The following RAPGEF4 variants were observed in gnomAD, a reference collection of about 807,000 sequenced individuals.
RAPGEF4 encodes Rap guanine nucleotide exchange factor 4.
RAPGEF4 carries 66 observed loss-of-function variants against 147.9 expected under a neutral mutation model. That is an observed-to-expected ratio of 0.45 (90% CI 0.37 to 0.55). RAPGEF4 has a LOEUF of 0.55. Among genes scored for constraint, RAPGEF4 ranks in the 20% least tolerant of loss-of-function variants. The pLI is 0.00. For synonymous variants in RAPGEF4, 419 were observed against 442.7 expected (o/e 0.95, Z 0.67); for missense variants, 1,071 against 1,257.3 (o/e 0.85, Z 2.24).
In RAPGEF4 at chr2:173,051,850, G is replaced by A; in HGVS notation, c.*83G>A. On this transcript the variant is annotated 3_prime_UTR_variant, in exon 31 of 31. Transcript: ENST00000397081. The stretch of plus-strand genomic sequence containing the variant: ...CATTTATGCTACTACTGACTGTATT[G>A]CCACTAGAGAATTCTACAAAACAAG... 1 of 1,502,808 alleles carries A rather than the reference G, an allele frequency of 6.7e-7. No homozygotes were observed. The highest frequency in any genetic ancestry group is 1.4e-5 in the African/African-American group (1 of 72,112). The allele number at this position is 1,502,808 out of a possible 1,614,324, so 93.1% of individuals were successfully genotyped here.
At chr2:172,778,301 A>G (rs1303734845) in intron 1 of RAPGEF4, among the ~76,000 whole-genome samples, 1 of 152,178 alleles carries the variant, frequency 6.6e-6, no homozygotes, top group Non-Finnish European at 1.5e-5. Context: ...TGCCTCCTGC[A>G]TGAGTTCTAG....
At chr2:172,953,320 A>G (rs1242075237) in intron 6 of RAPGEF4, among the ~76,000 whole-genome samples, 1 of 147,662 alleles carries the variant, frequency 6.8e-6, no homozygotes, top group Non-Finnish European at 1.5e-5. Flanking sequence ...AGTTCTCTAT[A>G]TATATCTCTA....
At chr2:172,749,031 G>T (rs1311077159) in intron 1 of RAPGEF4, among the ~76,000 whole-genome samples, 1 of 152,182 alleles carries the variant, frequency 6.6e-6, no homozygotes, top group African/African-American at 2.4e-5. Context: ...CATGGTCTTG[G>T]GCAGCCTGGC....
At chr2:172,913,031 G>A (rs530690199) in intron 4 of RAPGEF4, among the ~76,000 whole-genome samples, 21 of 151,732 alleles carry the variant, frequency 1.4e-4, no homozygotes, top group African/African-American at 5.1e-4. Flanking sequence ...AACTATCTGG[G>A]ATTACAGGCG....
At chr2:172,871,194 C>T (rs1432116754) in intron 4 of RAPGEF4, among the ~76,000 whole-genome samples, 2 of 152,190 alleles carry the variant, frequency 1.3e-5, no homozygotes, top group African/African-American at 4.8e-5. Flanking sequence ...GAACTAGAGG[C>T]ACGAGGCTTT....
In RAPGEF4 at chr2:172,860,625, C is replaced by A. The variant is rs1559626; in HGVS notation, c.444+46200C>A. ...GAAGTGAAGGGTTAGAGGAGTAGAT[C>A]TGAAATGAAAAACTCAGTTATTTGG... On this transcript the variant is annotated intron_variant, in intron 4 of 30. Coordinates refer to ENST00000397081, the MANE Select transcript of RAPGEF4 (RefSeq NM_007023.4). Among the ~76,000 whole-genome samples, 170 of 149,694 alleles carry A rather than the reference C, an allele frequency of 1.1e-3. 1 individual carries two copies. Among genetic ancestry groups the A allele is most frequent in the African/African-American group, 3.9e-3 (158 of 40,538 alleles).
intron 3 of RAPGEF4, among the ~76,000 whole-genome samples, chr2:172,802,766 A>T (rs1451303669): frequency 6.6e-6 from 1 of 152,220 alleles, no homozygotes; most frequent in Non-Finnish European, 1.5e-5. Flanking sequence ...GAGCATGTAA[A>T]ATTAAAAGCA....
intron 4 of RAPGEF4, among the ~76,000 whole-genome samples, chr2:172,859,633 A>G (rs576986132): frequency 1.3e-5 from 2 of 152,362 alleles, no homozygotes; most frequent in South Asian, 4.1e-4. Context: ...GCATGTGTAT[A>G]TAAAACAAAT....
chr2:172,874,055 C>T (rs766774690), intron 4 of RAPGEF4, among the ~76,000 whole-genome samples: 4 of 152,144 alleles, frequency 2.6e-5, no homozygotes, highest in Non-Finnish European at 5.9e-5. Flanking sequence ...ACAATAGATG[C>T]TGGAGAGGAT....
At chr2:172,965,305 C>G (rs1689711858) in intron 8 of RAPGEF4, 1 of 490,882 alleles carries the variant, frequency 2.0e-6, no homozygotes, top group Admixed American at 3.5e-5. Context: ...CCCCTGGTCT[C>G]CCCTGGTGCT....
intron 8 of RAPGEF4, 142 bp from the exon 9 acceptor site, chr2:172,965,420 G>A (rs1287579268): frequency 1.3e-5 from 12 of 917,872 alleles, no homozygotes; most frequent in Non-Finnish European, 1.7e-5. Context: ...AAGCTACCGC[G>A]TGTGGTGCTT....
intron 4 of RAPGEF4, among the ~76,000 whole-genome samples, chr2:172,902,798 A>G (rs1234451054): frequency 6.6e-6 from 1 of 152,168 alleles, no homozygotes; most frequent in Admixed American, 6.5e-5. Flanking sequence ...TAGAGTGGAG[A>G]GATGACAGAA....
chr2:172,749,417 T>G (rs1226043119), intron 1 of RAPGEF4, among the ~76,000 whole-genome samples: 1 of 152,238 alleles, frequency 6.6e-6, no homozygotes, highest in African/African-American at 2.4e-5. Context: ...CTGCCAAGGC[T>G]GGAGGCTTGC....
chr2:172,830,954 C>G, intron 4 of RAPGEF4, among the ~76,000 whole-genome samples: 1 of 152,160 alleles, frequency 6.6e-6, no homozygotes, highest in Non-Finnish European at 1.5e-5. Flanking sequence ...ATGGGTTTCT[C>G]TGTAGAATAT....
At chr2:173,043,347 G>T (rs1159961597) in intron 29 of RAPGEF4, among the ~76,000 whole-genome samples, 1 of 152,210 alleles carries the variant, frequency 6.6e-6, no homozygotes, top group Non-Finnish European at 1.5e-5. Context: ...GATCAAAACT[G>T]TTGAGGGCAG....
chr2:172,938,987 C>T (rs771229474), intron 6 of RAPGEF4, among the ~76,000 whole-genome samples: 5 of 152,322 alleles, frequency 3.3e-5, no homozygotes, highest in Non-Finnish European at 7.3e-5. Context: ...CCTTGCATTG[C>T]TTGATAGTTT....
intron 23 of RAPGEF4, among the ~76,000 whole-genome samples, chr2:173,021,058 CTATT>C (rs764525803): frequency 5.3e-5 from 8 of 152,204 alleles, no homozygotes; most frequent in Non-Finnish European, 1.0e-4. Flanking sequence ...CAAGATATCA[CTATT>C]TATCAGGCTC....
chr2:172,865,961 A>T (rs1466635368), intron 4 of RAPGEF4, among the ~76,000 whole-genome samples: 1 of 151,834 alleles, frequency 6.6e-6, no homozygotes, highest in African/African-American at 2.4e-5. Flanking sequence ...TCCTCCCGTG[A>T]CCCCTTCATC....
chr2:172,799,131 TATTTATCCATATGTG>T (rs1686705605), intron 3 of RAPGEF4, among the ~76,000 whole-genome samples: 1 of 152,182 alleles, frequency 6.6e-6, no homozygotes, highest in Non-Finnish European at 1.5e-5. Flanking sequence ...ATAATCAAGA[TATTTATCCATATGTG>T]ATTTATCCAG....
Sources: gnomAD v4.1 joint callset for allele counts (sites outside exome capture counted in the v4.1 genomes callset) on GRCh38, gnomAD v4.1.1 for gene constraint, MANE v1.5 for transcripts, NCBI Gene and HGNC (gene_info 2026-07-23, HGNC 2026-07-21) for gene names.